PHACTR1: variants seen among roughly 807,000 people sequenced by gnomAD.
PHACTR1 encodes the protein phosphatase and actin regulator 1.
PHACTR1 carries 16 observed loss-of-function variants against 69.2 expected under a neutral mutation model. That is an observed-to-expected ratio of 0.23 (90% confidence interval 0.16 to 0.35). The LOEUF (loss-of-function observed/expected upper bound fraction) is 0.35, where lower values mean the gene tolerates loss of function less well. PHACTR1 is among the 10% of genes least tolerant of loss of function. The pLI is 1.00. For synonymous variants in PHACTR1, 312 were observed against 284.5 expected, an observed-to-expected ratio of 1.10 and a Z score of -0.97; for missense variants, 510 against 734.7, an observed-to-expected ratio of 0.69 and a Z score of 3.54.
chr6:12,909,106 T>C (rs1786075639), intron 4 of PHACTR1, among the ~76,000 whole-genome samples: 1 of 152,212 alleles, frequency 6.6e-6, no homozygotes, highest in Non-Finnish European at 1.5e-5. Context: ...GACTCCTCAG[T>C]ACTTGAGTGG....
chr6:12,981,673 T>C (rs1359505988), intron 4 of PHACTR1, among the ~76,000 whole-genome samples: 1 of 152,168 alleles, frequency 6.6e-6, no homozygotes, highest in Non-Finnish European at 1.5e-5. Context: ...TCATTTCCCA[T>C]CCTCGATTGG....
rs533141524 is a variant in PHACTR1 at position 12,768,149 on chromosome 6, C to T, written c.250+18359C>T. ...TTTTTTTTTGAGATGGAGTCTTGCTCCATTGCCCAGGCTGGAGTGCAGTGG... is the reference window on the plus strand; with the variant it reads ...TTTTTTTTTGAGATGGAGTCTTGCTTCATTGCCCAGGCTGGAGTGCAGTGG... On this transcript the variant is annotated intron_variant, in intron 4 of 14. Coordinates refer to ENST00000332995, the MANE Select transcript of PHACTR1 (RefSeq NM_030948.6). Among the ~76,000 whole-genome samples, 11 of 133,478 alleles carry T rather than the reference C, an allele frequency of 8.2e-5. No homozygotes were observed. The East Asian group carries it at 1.6e-3, about 19-fold the overall frequency. The allele number at this position is 133,478 out of a possible 152,430, so 87.6% of individuals were successfully genotyped here.
intron 5 of PHACTR1, among the ~76,000 whole-genome samples, chr6:13,075,618 A>G (rs1810325012): frequency 6.6e-6 from 1 of 152,160 alleles, no homozygotes; most frequent in Non-Finnish European, 1.5e-5. Flanking sequence ...CAATACATAA[A>G]GGCCACAGGT....
intron 4 of PHACTR1, among the ~76,000 whole-genome samples, chr6:12,813,768 A>G (rs1333514490): frequency 2.0e-5 from 3 of 152,220 alleles, no homozygotes; most frequent in Admixed American, 6.5e-5. Flanking sequence ...GCAAGTCACC[A>G]CTGGAACTAG....
At chr6:13,052,947 C>T (rs959702112) in intron 4 of PHACTR1, among the ~76,000 whole-genome samples, 10 of 152,140 alleles carry the variant, frequency 6.6e-5, no homozygotes, top group African/African-American at 2.2e-4. Context: ...TAAATGTTTT[C>T]TCCCTTCTTT....
chr6:13,102,643 C>T (rs1815360288), intron 5 of PHACTR1, among the ~76,000 whole-genome samples: 1 of 152,080 alleles, frequency 6.6e-6, no homozygotes, highest in South Asian at 2.1e-4. Flanking sequence ...TTTTAGGTAC[C>T]TAGGTAGACT....
intron 4 of PHACTR1, among the ~76,000 whole-genome samples, chr6:13,031,134 C>A (rs1233578029): frequency 6.6e-6 from 1 of 152,188 alleles, no homozygotes; most frequent in African/African-American, 2.4e-5. Context: ...GACATTATGT[C>A]CCAACATATC....
chr6:13,226,209 T>G (rs910603535), intron 8 of PHACTR1, among the ~76,000 whole-genome samples: 14 of 152,202 alleles, frequency 9.2e-5, no homozygotes, highest in Non-Finnish European at 1.5e-4. Flanking sequence ...GTTAACTAGA[T>G]TTTTCCATTT....
intron 4 of PHACTR1, among the ~76,000 whole-genome samples, chr6:12,825,385 C>G (rs1776686475): frequency 6.6e-6 from 1 of 151,852 alleles, no homozygotes; most frequent in Non-Finnish European, 1.5e-5. Context: ...TTAGCTCTTA[C>G]TATTTCTTTT....
intron 4 of PHACTR1, among the ~76,000 whole-genome samples, chr6:12,939,268 C>G (rs1298416638): frequency 6.6e-6 from 1 of 152,098 alleles, no homozygotes; most frequent in Non-Finnish European, 1.5e-5. Flanking sequence ...GAGAGATTGC[C>G]TTAGGTAACT....
At chr6:12,904,581 G>T (rs1391481824) in intron 4 of PHACTR1, among the ~76,000 whole-genome samples, 1 of 150,724 alleles carries the variant, frequency 6.6e-6, no homozygotes, top group African/African-American at 2.4e-5. Context: ...ACTCATTACA[G>T]TAGTTTACTT....
intron 4 of PHACTR1, among the ~76,000 whole-genome samples, chr6:12,934,390 C>T (rs1324443045): frequency 6.6e-6 from 1 of 152,172 alleles, no homozygotes; most frequent in African/African-American, 2.4e-5. Flanking sequence ...AGAATGTCAA[C>T]ATATCTTTTG....
rs70989814 is a variant in PHACTR1 at position 12,959,176 on chromosome 6, CAAAAAAA to C, written c.251-94176_251-94170del. 6.5e-5 allele frequency among the ~76,000 whole-genome samples: 3 copies of C among 46,260 alleles called. No homozygotes were observed. In the East Asian group the frequency reaches 2.1e-3, roughly 33 times the overall value. 30.3% of individuals were successfully genotyped at this position (46,260 alleles called of 152,430 possible). On this transcript the variant is annotated intron_variant, in intron 4 of 14. Transcript: ENST00000332995. ...TGGGTGATAGAGTGAGACTTTATCT[CAAAAAAA>C]AAAAAAAAAAAAGAAAAGAAAAAAA...
At chr6:12,934,023 G>A in intron 4 of PHACTR1, 1 of 1,459,984 alleles carries the variant, frequency 6.8e-7, no homozygotes, top group South Asian at 1.4e-5. Flanking sequence ...GCTCTCTGAT[G>A]GTTCTGGAGT....
Position 13,228,057 on chromosome 6 carries a change from T to C in PHACTR1, c.1228T>C (p.Tyr410His). The change falls in exon 9 of 15, where the codon TAC becomes CAC. Residue 410 changes from tyrosine (Y) to histidine (H), a missense_variant. Tyr to His is a moderately conservative substitution (Grantham distance 83, BLOSUM62 2). Coordinates refer to ENST00000332995, the MANE Select transcript of PHACTR1 (RefSeq NM_030948.6). ...EEDEDDDSSL[Y>H]TSSLAMKVCR... is the part of the protein sequence containing the mutation. ...GGACGAAGACGACGACAGCTCATTA[T>C]ACACCAGTGCGTTCATCTTAACTCA... is the stretch of plus-strand genomic sequence containing the variant. 1 of 1,611,054 alleles carries C rather than the reference T, an allele frequency of 6.2e-7. No homozygotes were observed. Among genetic ancestry groups the C allele is most frequent in the Non-Finnish European group, 8.5e-7 (1 of 1,179,706 alleles).
At chr6:12,911,131 C>A (rs542455735) in intron 4 of PHACTR1, among the ~76,000 whole-genome samples, 2 of 152,194 alleles carry the variant, frequency 1.3e-5, no homozygotes, top group Non-Finnish European at 2.9e-5. Context: ...AAAACTGGTG[C>A]TCAGGAAATC....
chr6:13,019,318 A>G (rs1443117581), intron 4 of PHACTR1, among the ~76,000 whole-genome samples: 1 of 151,994 alleles, frequency 6.6e-6, no homozygotes, highest in Non-Finnish European at 1.5e-5. Flanking sequence ...AGATTCCCCT[A>G]CTCTTGTATT....
intron 3 of PHACTR1, among the ~76,000 whole-genome samples, chr6:12,726,868 C>G (rs886769332): frequency 1.3e-5 from 2 of 152,134 alleles, no homozygotes; most frequent in African/African-American, 4.8e-5. Context: ...AGGTAATATC[C>G]TGTATTTTTG....
chr6:12,792,060 A>G (rs1243858355), intron 4 of PHACTR1, among the ~76,000 whole-genome samples: 1 of 152,210 alleles, frequency 6.6e-6, no homozygotes, highest in Non-Finnish European at 1.5e-5. Flanking sequence ...GTTAGTATAC[A>G]TGCAGGTATA....
Sources: allele counts gnomAD v4.1 joint callset (sites outside exome capture counted in the v4.1 genomes callset), GRCh38; gene constraint gnomAD v4.1.1; transcripts MANE v1.5; gene names NCBI Gene and HGNC (gene_info 2026-07-23, HGNC 2026-07-21).